The following PHLDB2 variants were observed in gnomAD, a reference collection of about 807,000 sequenced individuals.
PHLDB2 encodes the protein pleckstrin homology-like domain family B member 2.
In PHLDB2, 71 loss-of-function variants were observed where a neutral mutation model predicts 123.6. The observed-to-expected ratio is 0.57, with a 90% CI of 0.47 to 0.70. PHLDB2 has a LOEUF of 0.70. Ranked by LOEUF, PHLDB2 falls within the 30% of genes least tolerant of loss-of-function variation. PHLDB2 has a pLI of 0.00. For synonymous variants in PHLDB2, 547 were observed against 541.6 expected, an observed-to-expected ratio of 1.01 and a Z score of -0.14; for missense variants, 1,446 against 1,519.5, an observed-to-expected ratio of 0.95 and a Z score of 0.80.
rs1427980424 is a variant in PHLDB2 at position 111,814,630 on chromosome 3, A to T, written c.-48-31191A>T. Among the ~76,000 whole-genome samples the T allele has an allele frequency of 7.3e-3, 559 of 76,490 alleles. 2 individuals carry two copies. Among genetic ancestry groups the T allele is most frequent in the African/African-American group, 0.026 (406 of 15,738 alleles). 50.2% of individuals were successfully genotyped at this position (76,490 alleles called of 152,430 possible). ...ATACCTGAAATGAAGTATTTATTTA[A>T]AAAAAAAAAAAAAGCAGAGAGGTGG... On this transcript the variant is annotated intron_variant, in intron 1 of 17. Transcript: ENST00000393923.
intron 16 of PHLDB2, among the ~76,000 whole-genome samples, chr3:111,971,394 A>G (rs925237056): frequency 2.0e-5 from 3 of 152,102 alleles, no homozygotes; most frequent in East Asian, 3.9e-4. Flanking sequence ...CTTCAGACCC[A>G]TGTAAATGTG....
At chr3:111,793,846 T>C (rs1334718600) in intron 1 of PHLDB2, among the ~76,000 whole-genome samples, 6 of 151,798 alleles carry the variant, frequency 4.0e-5, no homozygotes, top group Non-Finnish European at 7.4e-5. Context: ...CTCAGGACTC[T>C]GCCTGGTGCT....
At chr3:111,795,810 C>T (rs963460953) in intron 1 of PHLDB2, among the ~76,000 whole-genome samples, 17 of 152,148 alleles carry the variant, frequency 1.1e-4, no homozygotes, top group African/African-American at 1.9e-4. Flanking sequence ...CTGCAACCTC[C>T]GCTTCCCGGG....
At chr3:111,931,201 G>A (rs191548640) in intron 5 of PHLDB2, among the ~76,000 whole-genome samples, 5 of 152,286 alleles carry the variant, frequency 3.3e-5, no homozygotes, top group Non-Finnish European at 7.4e-5. Flanking sequence ...TTCACTTACC[G>A]AAGGTCAAAT....
At chr3:111,789,377 T>C (rs1476382993) in intron 1 of PHLDB2, among the ~76,000 whole-genome samples, 1 of 152,186 alleles carries the variant, frequency 6.6e-6, no homozygotes, top group Non-Finnish European at 1.5e-5. Flanking sequence ...CACTCATAGT[T>C]GGTTACATAA....
chr3:111,944,569 ATAT>A, intron 8 of PHLDB2, among the ~76,000 whole-genome samples: 1 of 152,270 alleles, frequency 6.6e-6, no homozygotes, highest in East Asian at 1.9e-4. Flanking sequence ...ACATCATCAG[ATAT>A]TATGTCATCA....
intron 1 of PHLDB2, among the ~76,000 whole-genome samples, chr3:111,874,385 A>G (rs1345746753): frequency 2.0e-5 from 3 of 152,170 alleles, no homozygotes; most frequent in East Asian, 3.8e-4. Context: ...CTCTTACCGT[A>G]TGTCTCCCAA....
chr3:111,777,549 A>G (rs2060288622), intron 1 of PHLDB2, among the ~76,000 whole-genome samples: 1 of 152,134 alleles, frequency 6.6e-6, no homozygotes, highest in Non-Finnish European at 1.5e-5. Flanking sequence ...TAGAAGAGCA[A>G]AAAGACTAAA....
chr3:111,850,061 C>T (rs2064182898), intron 2 of PHLDB2, among the ~76,000 whole-genome samples: 2 of 152,038 alleles, frequency 1.3e-5, no homozygotes, highest in African/African-American at 2.4e-5. Flanking sequence ...CAGGGTTTCA[C>T]CATGTTAGCC....
At chr3:111,854,750 A>G (rs1037281120), upstream of PHLDB2, among the ~76,000 whole-genome samples, 1 of 152,234 alleles carries the variant, frequency 6.6e-6, no homozygotes, top group Non-Finnish European at 1.5e-5. Context: ...AAGCCAAAGA[A>G]AGAGGCTGAC....
intron 1 of PHLDB2, among the ~76,000 whole-genome samples, chr3:111,770,850 G>A (rs1324774041): frequency 1.3e-5 from 2 of 152,200 alleles, no homozygotes; most frequent in Admixed American, 1.3e-4. Flanking sequence ...TAGTCCCAGA[G>A]GGCTGGTCAA....
At chr3:111,862,138 G>A (rs2064863222) in intron 1 of PHLDB2, among the ~76,000 whole-genome samples, 2 of 152,138 alleles carry the variant, frequency 1.3e-5, no homozygotes, top group South Asian at 4.1e-4. Flanking sequence ...CACCACACCC[G>A]GTCTCCTTTT....
At chr3:111,945,100 G>C (rs888938054) in intron 8 of PHLDB2, among the ~76,000 whole-genome samples, 168 bp from the exon 9 acceptor site, 4 of 152,218 alleles carry the variant, frequency 2.6e-5, no homozygotes, top group Non-Finnish European at 5.9e-5. Context: ...GCTAGCAGAA[G>C]ATGACCTCTA....
At chr3:111,940,477 C>T (rs2069798859) in intron 7 of PHLDB2, 58 bp from the exon 8 acceptor site, 2 of 994,280 alleles carry the variant, frequency 2.0e-6, no homozygotes, top group Admixed American at 2.5e-5. Flanking sequence ...CTAGGACAGA[C>T]TAGCAAACCT....
chr3:111,808,869 A>C (rs966314766), intron 1 of PHLDB2, among the ~76,000 whole-genome samples: 5 of 152,238 alleles, frequency 3.3e-5, no homozygotes, highest in Non-Finnish European at 5.9e-5. Context: ...TATAATAAAG[A>C]GCAAATTCTT....
intron 2 of PHLDB2, chr3:111,911,555 G>A: frequency 6.9e-7 from 1 of 1,454,500 alleles, no homozygotes; most frequent in South Asian, 1.2e-5. Context: ...GGTGGGCAGG[G>A]CTTGGCAGCT....
intron 1 of PHLDB2, among the ~76,000 whole-genome samples, chr3:111,790,544 T>A (rs140118133): frequency 6.6e-6 from 1 of 152,230 alleles, no homozygotes; most frequent in African/African-American, 2.4e-5. Context: ...AGCCAGACTA[T>A]GACAGTGAAC....
At chr3:111,773,862 A>C (rs1201347096) in intron 1 of PHLDB2, among the ~76,000 whole-genome samples, 4 of 152,168 alleles carry the variant, frequency 2.6e-5, no homozygotes, top group African/African-American at 9.7e-5. Context: ...TTCTTCTCAA[A>C]TACTACCATG....
intron 2 of PHLDB2, among the ~76,000 whole-genome samples, chr3:111,893,324 C>G (rs2066613357): frequency 6.6e-6 from 1 of 151,714 alleles, no homozygotes; most frequent in Non-Finnish European, 1.5e-5. Context: ...CTTGAATCTC[C>G]TTCCTGATGT....
Sources: allele counts gnomAD v4.1 joint callset (sites outside exome capture counted in the v4.1 genomes callset), GRCh38; gene constraint gnomAD v4.1.1; transcripts MANE v1.5; gene names NCBI Gene and HGNC (gene_info 2026-07-23, HGNC 2026-07-21).